The following GRIK2 variants were observed in gnomAD, a reference collection of about 807,000 sequenced individuals.
The protein encoded by GRIK2 is glutamate ionotropic receptor kainate type subunit 2.
In GRIK2, 32 loss-of-function variants were observed where a neutral mutation model predicts 100.3. The observed-to-expected ratio is 0.32, with a 90% CI of 0.24 to 0.43. The LOEUF is 0.43. GRIK2 is among the 20% of genes least tolerant of loss of function. The pLI is 1.00. For missense variants in GRIK2, 843 were observed against 1,114.9 expected (o/e 0.76, Z 3.47); for synonymous variants, 417 against 389.4 (o/e 1.07, Z -0.83).
chr6:101,768,617 G>A (rs529144232), intron 7 of GRIK2, among the ~76,000 whole-genome samples: 2 of 152,082 alleles, frequency 1.3e-5, no homozygotes, highest in African/African-American at 4.8e-5. Flanking sequence ...GTTAATATGA[G>A]GGACACTGAA....
chr6:101,816,352 T>G (rs955845011), intron 9 of GRIK2, among the ~76,000 whole-genome samples: 1 of 152,146 alleles, frequency 6.6e-6, no homozygotes, highest in African/African-American at 2.4e-5. Flanking sequence ...CAGATGTGTC[T>G]TGTTTAGCCA....
intron 14 of GRIK2, among the ~76,000 whole-genome samples, chr6:101,937,936 G>C (rs1790716387): frequency 6.6e-6 from 1 of 152,012 alleles, no homozygotes; most frequent in African/African-American, 2.4e-5. Flanking sequence ...TTATTATGCT[G>C]TCTTTTCAGG....
chr6:101,901,791 C>T (rs117258609), intron 12 of GRIK2, among the ~76,000 whole-genome samples: 1,579 of 151,902 alleles, frequency 0.01, 12 homozygotes, highest in South Asian at 0.044. Context: ...AAATTGACCA[C>T]GATTTAAATT....
chr6:101,549,290 G>A (rs201233263), intron 2 of GRIK2, among the ~76,000 whole-genome samples: 41 of 90,872 alleles, frequency 4.5e-4, no homozygotes, highest in Non-Finnish European at 8.5e-4. Context: ...AAAAAAAAAA[G>A]ATTGTATGTA....
At chr6:101,673,907 C>A (rs1157932624) in intron 4 of GRIK2, among the ~76,000 whole-genome samples, 3 of 152,182 alleles carry the variant, frequency 2.0e-5, no homozygotes, top group African/African-American at 7.2e-5. Flanking sequence ...TGAAAAGACA[C>A]TTCTCAGAAT....
chr6:102,030,421 T>C (rs1769925265), intron 14 of GRIK2, among the ~76,000 whole-genome samples: 1 of 151,086 alleles, frequency 6.6e-6, no homozygotes, highest in South Asian at 2.1e-4. Flanking sequence ...ATTTTTTTTT[T>C]CTTTTTGGCA....
chr6:101,456,896 T>A (rs1771039535), intron 2 of GRIK2, among the ~76,000 whole-genome samples: 1 of 152,108 alleles, frequency 6.6e-6, no homozygotes, highest in African/African-American at 2.4e-5. Flanking sequence ...AGACAAGCAA[T>A]ACTAGAGGAC....
At chr6:101,800,489 G>C (rs1242636585) in intron 8 of GRIK2, among the ~76,000 whole-genome samples, 1 of 151,982 alleles carries the variant, frequency 6.6e-6, no homozygotes, top group Non-Finnish European at 1.5e-5. Context: ...AAGTTTAACT[G>C]TGCCTTAATC....
chr6:101,799,575 C>A, intron 7 of GRIK2, 73 bp from the exon 8 acceptor site: 2 of 1,205,054 alleles, frequency 1.7e-6, no homozygotes, highest in South Asian at 1.3e-5. Flanking sequence ...TTCCCTCTTC[C>A]TCCTTGCAAA....
At chr6:101,416,424 G>T (rs909920886) in intron 2 of GRIK2, among the ~76,000 whole-genome samples, 2 of 152,118 alleles carry the variant, frequency 1.3e-5, no homozygotes, top group African/African-American at 4.8e-5. Flanking sequence ...GCTGGGGCAG[G>T]GGAGGAGCAG....
intron 2 of GRIK2, among the ~76,000 whole-genome samples, chr6:101,504,734 A>G (rs1773934577): frequency 6.6e-6 from 1 of 152,076 alleles, no homozygotes; most frequent in South Asian, 2.1e-4. Flanking sequence ...GGAGGTTATG[A>G]GATAACATAT....
intron 4 of GRIK2, among the ~76,000 whole-genome samples, chr6:101,661,688 C>G (rs1582913172): frequency 6.6e-6 from 1 of 152,114 alleles, no homozygotes; most frequent in Admixed American, 6.5e-5. Flanking sequence ...CACTTTTCCT[C>G]ACAGCACAGT....
At chr6:101,801,439 T>G (rs1418030333) in intron 8 of GRIK2, among the ~76,000 whole-genome samples, 2 of 152,158 alleles carry the variant, frequency 1.3e-5, no homozygotes, top group Admixed American at 1.3e-4. Flanking sequence ...ATCTTGCACA[T>G]AAGTATCCAA....
At chr6:101,964,370 G>A (rs572325715) in intron 14 of GRIK2, among the ~76,000 whole-genome samples, 1 of 152,094 alleles carries the variant, frequency 6.6e-6, no homozygotes, top group Non-Finnish European at 1.5e-5. Context: ...TCTGATCCCA[G>A]TTAGAAGTGG....
rs144434195 is a variant in GRIK2, at chr6:102,019,776, T to G, written c.2086-15565T>G. On this transcript the variant is annotated intron_variant, in intron 14 of 16. Transcript: ENST00000369134. ...AACAAATCATCCTTGACATATCTAC[T>G]CTTAATCTTTTAAAATCATCTTTAT... is the stretch of plus-strand genomic sequence containing the variant. Among the ~76,000 whole-genome samples, 194 of 152,110 alleles carry G rather than the reference T, an allele frequency of 1.3e-3. 1 individual carries two copies. The highest frequency in any genetic ancestry group is 4.6e-3 in the African/African-American group (192 of 41,556).
intron 2 of GRIK2, among the ~76,000 whole-genome samples, chr6:101,581,205 C>T (rs924468464): frequency 3.4e-5 from 5 of 146,496 alleles, no homozygotes; most frequent in African/African-American, 5.3e-5. Context: ...TATATATACG[C>T]ATATATATAC....
chr6:101,589,569 C>T (rs1778544425), intron 2 of GRIK2, among the ~76,000 whole-genome samples: 2 of 152,024 alleles, frequency 1.3e-5, no homozygotes, highest in Admixed American at 1.3e-4. Flanking sequence ...TTTTCTGTGC[C>T]TGGTTTATTT....
intron 14 of GRIK2, among the ~76,000 whole-genome samples, chr6:102,033,467 A>G (rs1770105380): frequency 1.3e-5 from 2 of 151,322 alleles, no homozygotes; most frequent in Admixed American, 1.3e-4. Context: ...GATAGGCTGT[A>G]ACAATGTAAC....
At chr6:101,615,888 C>T (rs1205766380) in intron 2 of GRIK2, among the ~76,000 whole-genome samples, 2 of 151,708 alleles carry the variant, frequency 1.3e-5, no homozygotes, top group Non-Finnish European at 2.9e-5. Context: ...TGAGATCTTC[C>T]TCAGAGAATC....
Sources: gnomAD v4.1 joint callset for allele counts (sites outside exome capture counted in the v4.1 genomes callset) on GRCh38, gnomAD v4.1.1 for gene constraint, MANE v1.5 for transcripts, NCBI Gene and HGNC (gene_info 2026-07-23, HGNC 2026-07-21) for gene names.